Variants in FAM177A1 observed in about 807,000 individuals in gnomAD.
FAM177A1 encodes the protein protein FAM177A1.
In FAM177A1, 22 loss-of-function variants were observed where a neutral mutation model predicts 26.1. That is an observed-to-expected ratio of 0.84 (90% CI 0.60 to 1.20). The LOEUF is 1.20. Among genes scored for constraint, FAM177A1 ranks in the 50% most tolerant of loss-of-function variants. The pLI, the probability that FAM177A1 is intolerant of heterozygous loss-of-function variation, is 0.00. For synonymous variants in FAM177A1, 95 were observed against 99.3 expected (o/e 0.96, Z 0.26); for missense variants, 296 against 291.1 (o/e 1.02, Z -0.12).
At chr14:35,066,619 G>T (rs1480485126) in intron 2 of FAM177A1, among the ~76,000 whole-genome samples, 1 of 151,332 alleles carries the variant, frequency 6.6e-6, no homozygotes, top group Non-Finnish European at 1.5e-5. Context: ...TGGCTAGGCT[G>T]GTCTCAAACT....
intron 2 of FAM177A1, among the ~76,000 whole-genome samples, chr14:35,060,133 C>T (rs1181560835): frequency 2.6e-5 from 4 of 151,476 alleles, no homozygotes; most frequent in Non-Finnish European, 5.9e-5. Context: ...ACCACCATGC[C>T]CGGGCTAATT....
intron 1 of FAM177A1, 40 bp from the exon 2 acceptor site, chr14:35,053,238 C>A (rs752093716): frequency 1.3e-6 from 2 of 1,541,022 alleles, no homozygotes; most frequent in Admixed American, 4.2e-5. Context: ...GAAAATTAAT[C>A]TCACTTGAAA....
At chr14:35,046,241 C>A (rs909575903), upstream of FAM177A1, 4 of 424,290 alleles carry the variant, frequency 9.4e-6, no homozygotes, top group South Asian at 2.1e-4. Flanking sequence ...CGCCCCGCCC[C>A]GCCCCGCGCG....
chr14:35,059,595 C>T (rs142721978), intron 2 of FAM177A1, among the ~76,000 whole-genome samples: 3,405 of 145,304 alleles, frequency 0.023, 57 homozygotes, highest in Middle Eastern at 0.061. Context: ...AGTGCAGTGG[C>T]GCAATCTCGG....
intron 2 of FAM177A1, among the ~76,000 whole-genome samples, chr14:35,067,526 T>G (rs1441778130): frequency 6.6e-6 from 1 of 152,166 alleles, no homozygotes; most frequent in Non-Finnish European, 1.5e-5. Flanking sequence ...CTGATTCCAG[T>G]TCCTTTCAAT....
At chr14:35,049,589 G>T (rs376387354) in intron 1 of FAM177A1, among the ~76,000 whole-genome samples, 3 of 152,130 alleles carry the variant, frequency 2.0e-5, no homozygotes, top group Non-Finnish European at 2.9e-5. Context: ...TTCGAGACCA[G>T]CCTGGCCAAC....
Position 35,058,353 on chromosome 14 carries a change from C to T in FAM177A1, c.339+4902C>T, listed in dbSNP as rs146643786. Among the ~76,000 whole-genome samples the T allele has an allele frequency of 1.6e-3, 245 of 152,186 alleles. 2 individuals carry two copies. The highest frequency in any genetic ancestry group is 5.4e-3 in the African/African-American group (225 of 41,530). ...AGCTGGTATTACAGGTGTGAGCCAC[C>T]GTGTCCAGCCCCTATTTATTATTAA... is the stretch of plus-strand genomic sequence containing the variant. On this transcript the variant is annotated intron_variant, in intron 2 of 4. Coordinates refer to ENST00000280987, the MANE Select transcript of FAM177A1 (RefSeq NM_173607.5).
rs1025186426 is a variant in FAM177A1, at chr14:35,075,914, A to G, written c.340-1236A>G. 1.6e-4 allele frequency among the ~76,000 whole-genome samples: 25 copies of G among 152,364 alleles called. No homozygotes were observed. In the Middle Eastern group the frequency reaches 0.01, roughly 62 times the overall value. On this transcript the variant is annotated intron_variant, in intron 2 of 4. Transcript: ENST00000280987. ...CACATACCATCTCACACCAGTTAGA[A>G]TGGCGATCATTAAAAAGTCAGGAAA...
At chr14:35,071,550 T>C (rs1471223739) in intron 2 of FAM177A1, among the ~76,000 whole-genome samples, 1 of 151,500 alleles carries the variant, frequency 6.6e-6, no homozygotes, top group Admixed American at 6.6e-5. Context: ...TAGCTACTTC[T>C]TTTTTTTGAT....
chr14:35,055,567 G>A (rs2045049009), intron 2 of FAM177A1, among the ~76,000 whole-genome samples: 1 of 151,554 alleles, frequency 6.6e-6, no homozygotes, highest in Non-Finnish European at 1.5e-5. Context: ...CCAAGTAGCT[G>A]GGATTGCAGG....
chr14:35,058,315 T>G (rs2045094708), intron 2 of FAM177A1, among the ~76,000 whole-genome samples: 1 of 152,016 alleles, frequency 6.6e-6, no homozygotes, highest in Non-Finnish European at 1.5e-5. Flanking sequence ...CCGCCCACCT[T>G]GGCCTCCCAA....
upstream of FAM177A1, chr14:35,045,250 G>A (rs60693825): frequency 6.6e-6 from 1 of 152,050 alleles, no homozygotes; most frequent in African/African-American, 2.4e-5. Context: ...CCAGGATAGA[G>A]AGCAATATGG....
intron 3 of FAM177A1, among the ~76,000 whole-genome samples, chr14:35,078,602 T>G (rs781030315): frequency 2.6e-5 from 4 of 152,194 alleles, no homozygotes; most frequent in Non-Finnish European, 5.9e-5. Flanking sequence ...TTTGCCTGCC[T>G]CAGCCTCCCA....
intron 2 of FAM177A1, among the ~76,000 whole-genome samples, chr14:35,065,302 T>C (rs1167010050): frequency 6.6e-6 from 1 of 151,100 alleles, no homozygotes; most frequent in Non-Finnish European, 1.5e-5. Context: ...TACATTATGG[T>C]TTAATATATT....
At chr14:35,053,564 T>C (rs896496641) in intron 2 of FAM177A1, 113 bp downstream of exon 2, 7 of 862,110 alleles carry the variant, frequency 8.1e-6, no homozygotes, top group East Asian at 2.6e-5. Flanking sequence ...TATATTCTTA[T>C]TATAAAATTA....
At chr14:35,069,982 G>C (rs1595052339) in intron 2 of FAM177A1, among the ~76,000 whole-genome samples, 2 of 151,306 alleles carry the variant, frequency 1.3e-5, no homozygotes, top group South Asian at 2.1e-4. Context: ...TGGGCGTGGT[G>C]GTGGGCGCCT....
chr14:35,046,179 C>G, upstream of FAM177A1: 1 of 278,922 alleles, frequency 3.6e-6, no homozygotes, highest in Non-Finnish European at 6.7e-6. Flanking sequence ...CGGGGATCCA[C>G]GAGCTCTGGA....
At chr14:35,046,822 A>C in intron 1 of FAM177A1, 194 bp downstream of exon 1, 1 of 1,362,628 alleles carries the variant, frequency 7.3e-7, no homozygotes, top group East Asian at 3.0e-5. Context: ...TCACTCACCA[A>C]CCCCTTGGCT....
intron 1 of FAM177A1, chr14:35,047,020 T>G: frequency 9.9e-7 from 1 of 1,013,970 alleles, no homozygotes. Context: ...CATCTGCCCT[T>G]TGCTTGGCAT....
Sources: allele counts gnomAD v4.1 joint callset (sites outside exome capture counted in the v4.1 genomes callset), GRCh38; gene constraint gnomAD v4.1.1; transcripts MANE v1.5; gene names NCBI Gene and HGNC (gene_info 2026-07-23, HGNC 2026-07-21).